PLEK2: variants seen among roughly 807,000 people sequenced by gnomAD.
PLEK2 encodes pleckstrin-2.
In PLEK2, 29 loss-of-function variants were observed where a neutral mutation model predicts 43.8. That is an observed-to-expected ratio of 0.66 (90% confidence interval 0.49 to 0.90). The LOEUF (loss-of-function observed/expected upper bound fraction) is 0.90. PLEK2 is among the 40% of genes least tolerant of loss of function. The probability of loss-of-function intolerance (pLI) is 0.00; values close to 1 mark genes in which losing one functional copy is unlikely to be tolerated. For missense variants in PLEK2, 398 were observed against 448.1 expected, an observed-to-expected ratio of 0.89 and a Z score of 1.01; for synonymous variants, 162 against 173.2, an observed-to-expected ratio of 0.94 and a Z score of 0.51.
chr14:67,407,678 C>T (rs2086088278), intron 1 of PLEK2, among the ~76,000 whole-genome samples: 1 of 152,082 alleles, frequency 6.6e-6, no homozygotes, highest in East Asian at 1.9e-4. Flanking sequence ...TGGCCTCAAG[C>T]AATCCTCCCA....
chr14:67,392,225 G>T, intron 6 of PLEK2, 101 bp downstream of exon 6: 1 of 811,164 alleles, frequency 1.2e-6, no homozygotes, highest in South Asian at 1.4e-5. Flanking sequence ...TGTAATTGGT[G>T]CCCTCCAGCA....
At chr14:67,390,794 C>T in intron 6 of PLEK2, 48 bp from the exon 7 acceptor site, 3 of 1,266,398 alleles carry the variant, frequency 2.4e-6, no homozygotes, top group Non-Finnish European at 3.5e-6. Context: ...GCTGCATGTC[C>T]CTCTCTCCTG....
intron 3 of PLEK2, among the ~76,000 whole-genome samples, chr14:67,394,883 T>G (rs1482476180): frequency 1.3e-5 from 2 of 152,030 alleles, no homozygotes; most frequent in Non-Finnish European, 2.9e-5. Context: ...GGAGCAAGCA[T>G]GTTAGCATGC....
At chr14:67,394,750 T>G (rs910915890) in intron 3 of PLEK2, among the ~76,000 whole-genome samples, 1 of 152,170 alleles carries the variant, frequency 6.6e-6, no homozygotes, top group Non-Finnish European at 1.5e-5. Flanking sequence ...TATTGAGAGG[T>G]GATGCCTTTA....
At chr14:67,403,644 G>A (rs772166349) in intron 1 of PLEK2, among the ~76,000 whole-genome samples, 1 of 152,238 alleles carries the variant, frequency 6.6e-6, no homozygotes, top group African/African-American at 2.4e-5. Context: ...AAAAACTGAT[G>A]ACAAAAGATG....
At chr14:67,401,336 A>G (rs2086047350) in intron 1 of PLEK2, among the ~76,000 whole-genome samples, 1 of 151,956 alleles carries the variant, frequency 6.6e-6, no homozygotes, top group African/African-American at 2.4e-5. Flanking sequence ...ATAAAAATAA[A>G]TAAATAAATA....
chr14:67,389,486 T>A (rs1266430585), intron 7 of PLEK2, among the ~76,000 whole-genome samples: 1 of 152,214 alleles, frequency 6.6e-6, no homozygotes, highest in Non-Finnish European at 1.5e-5. Flanking sequence ...CCCAGAGATT[T>A]GGCAATTCTT....
intron 1 of PLEK2, among the ~76,000 whole-genome samples, chr14:67,403,918 G>A (rs1424272947): frequency 6.6e-6 from 1 of 152,044 alleles, no homozygotes; most frequent in Non-Finnish European, 1.5e-5. Context: ...TGGGTGTGGT[G>A]GCACACTCCT....
At chr14:67,393,437 T>C (rs1435163986) in intron 3 of PLEK2, among the ~76,000 whole-genome samples, 196 bp from the exon 4 acceptor site, 1 of 152,046 alleles carries the variant, frequency 6.6e-6, no homozygotes, top group Non-Finnish European at 1.5e-5. Context: ...CCATGATGAT[T>C]GATTTTTGTT....
intron 1 of PLEK2, among the ~76,000 whole-genome samples, chr14:67,411,232 A>T (rs557057645): frequency 3.3e-5 from 5 of 151,998 alleles, no homozygotes; most frequent in Admixed American, 3.3e-4. Flanking sequence ...TTCTACCATA[A>T]TCCCAGGCAC....
intron 1 of PLEK2, among the ~76,000 whole-genome samples, chr14:67,411,464 C>T (rs2086114598): frequency 6.6e-6 from 1 of 152,120 alleles, no homozygotes; most frequent in South Asian, 2.1e-4. Flanking sequence ...TTTGGGTCAA[C>T]CTGAGTGGGT....
chr14:67,388,519 G>C (rs1233611397), intron 7 of PLEK2, among the ~76,000 whole-genome samples: 1 of 152,168 alleles, frequency 6.6e-6, no homozygotes, highest in Non-Finnish European at 1.5e-5. Flanking sequence ...GCCCATCAAT[G>C]TTGCAGTTAC....
intron 2 of PLEK2, among the ~76,000 whole-genome samples, chr14:67,396,493 A>G (rs1308656647): frequency 1.3e-5 from 2 of 150,486 alleles, no homozygotes; most frequent in African/African-American, 2.5e-5. Context: ...AAAATCTTCA[A>G]TGGCTCTCCA....
intron 2 of PLEK2, among the ~76,000 whole-genome samples, chr14:67,395,795 G>C (rs959021020): frequency 2.0e-5 from 3 of 152,188 alleles, no homozygotes; most frequent in Non-Finnish European, 2.9e-5. Context: ...TTCCCTTGTG[G>C]ACAAGGTAGT....
At chr14:67,388,104 C>G (rs2085939800) in intron 8 of PLEK2, 120 bp downstream of exon 8, 1 of 648,418 alleles carries the variant, frequency 1.5e-6, no homozygotes, top group Non-Finnish European at 2.8e-6. Context: ...TCACACCACT[C>G]TGTCTCATGG....
chr14:67,406,191 G>A (rs957143862), intron 1 of PLEK2, among the ~76,000 whole-genome samples: 10 of 151,382 alleles, frequency 6.6e-5, no homozygotes, highest in Non-Finnish European at 1.0e-4. Context: ...CCCAGGAGGA[G>A]GAGGTTGCAG....
chr14:67,407,229 C>A (rs2139896719), intron 1 of PLEK2, among the ~76,000 whole-genome samples: 1 of 152,226 alleles, frequency 6.6e-6, no homozygotes. Flanking sequence ...TCAAGCAATT[C>A]TCTTGCCTCA....
At chr14:67,393,347 T>C in intron 3 of PLEK2, 106 bp from the exon 4 acceptor site, 1 of 789,472 alleles carries the variant, frequency 1.3e-6, no homozygotes. Context: ...GCAAATGGTG[T>C]GACACACATC....
chr14:67,387,443 A>G lies in PLEK2; in HGVS notation c.948T>C (p.Asn316=). 6.2e-7 allele frequency: 1 copy of G among 1,608,348 alleles called. No homozygotes were observed. Among genetic ancestry groups the G allele is most frequent in the Non-Finnish European group, 8.5e-7 (1 of 1,177,846 alleles). ...TCACTTTGAAGAGGTTTCCCTGGAC[A>G]TTCCCTTTAACCCCTAGGCAGAAAA... is the stretch of plus-strand genomic sequence containing the variant. ...DNGVPTGVKG[N]VQGNLFKVIT... is the part of the protein sequence containing the mutation. The change falls in exon 9 of 9, where the codon AAT becomes AAC. Residue 316 remains asparagine (N), a synonymous_variant. Transcript: ENST00000216446.
Sources: allele counts gnomAD v4.1 joint callset (sites outside exome capture counted in the v4.1 genomes callset), GRCh38; gene constraint gnomAD v4.1.1; transcripts MANE v1.5; gene names NCBI Gene and HGNC (gene_info 2026-07-23, HGNC 2026-07-21).